The following ADGRL3 variants were observed in gnomAD, a reference collection of about 807,000 sequenced individuals.
ADGRL3 encodes the protein adhesion G protein-coupled receptor L3, also known as calcium-independent alpha-latrotoxin receptor 3.
In ADGRL3, 62 loss-of-function variants were observed where a neutral mutation model predicts 153.5. The ratio of observed to expected loss-of-function variants is 0.40; its 90% CI spans 0.33 to 0.50. ADGRL3 has a LOEUF of 0.50. Among genes scored for constraint, ADGRL3 ranks in the 20% least tolerant of loss-of-function variants. ADGRL3 has a pLI of 0.47. For missense variants in ADGRL3, 1,641 were observed against 1,859.4 expected (o/e 0.88, Z 2.16); for synonymous variants, 710 against 672.5 (o/e 1.06, Z -0.86).
At chr4:61,874,822 G>A (rs62304412) in intron 9 of ADGRL3, among the ~76,000 whole-genome samples, 1 of 42,254 alleles carries the variant, frequency 2.4e-5, no homozygotes, top group East Asian at 4.2e-4. Context: ...TTTTTTTTGA[G>A]ACGGAGTCTC....
chr4:61,586,454 A>G (rs948930962), intron 4 of ADGRL3, among the ~76,000 whole-genome samples: 1 of 152,120 alleles, frequency 6.6e-6, no homozygotes, highest in East Asian at 1.9e-4. Context: ...TTTCCATCAT[A>G]TATCATTACA....
chr4:61,209,290 C>T (rs746522844), intron 1 of ADGRL3, among the ~76,000 whole-genome samples: 4 of 151,974 alleles, frequency 2.6e-5, no homozygotes, highest in Non-Finnish European at 4.4e-5. Context: ...GAATACAACC[C>T]CAAATGTGCA....
chr4:61,695,777 G>A (rs952292758), intron 6 of ADGRL3, among the ~76,000 whole-genome samples: 8 of 152,200 alleles, frequency 5.3e-5, no homozygotes, highest in East Asian at 1.9e-4. Context: ...GTAGTGTAGC[G>A]TAGTAATGTG....
At chr4:61,646,925 C>T (rs771671880) in intron 5 of ADGRL3, among the ~76,000 whole-genome samples, 14 of 152,154 alleles carry the variant, frequency 9.2e-5, no homozygotes, top group South Asian at 4.1e-4. Context: ...TAGCAATCAG[C>T]GAGACTCCGT....
intron 8 of ADGRL3, among the ~76,000 whole-genome samples, chr4:61,812,185 A>G (rs544808984): frequency 2.0e-5 from 3 of 152,282 alleles, no homozygotes; most frequent in East Asian, 1.9e-4. Context: ...ACAGTACACA[A>G]TTAGTGTCTT....
chr4:61,481,119 T>G (rs1283612906), intron 2 of ADGRL3, among the ~76,000 whole-genome samples: 5 of 152,302 alleles, frequency 3.3e-5, no homozygotes, highest in Admixed American at 2.6e-4. Flanking sequence ...ATTATATAAT[T>G]GCAATGACCT....
rs138807526 is a variant in ADGRL3, at chr4:61,925,309, C to T, written c.2113-9531C>T. On this transcript the variant is annotated intron_variant, in intron 13 of 26. Transcript: ENST00000683033. Reference sequence around the variant, plus strand: ...TCAACTATTCTTACTTCATTTGCCCCTCTATTTTGTTAGTGTTTCTGTACC... The same window carrying T: ...TCAACTATTCTTACTTCATTTGCCCTTCTATTTTGTTAGTGTTTCTGTACC... 1.4e-4 allele frequency among the ~76,000 whole-genome samples: 22 copies of T among 152,222 alleles called. No homozygotes were observed. The East Asian group carries it at 2.5e-3, about 17-fold the overall frequency.
chr4:61,432,588 T>TTTTCTTTCTC (rs2097372756), intron 2 of ADGRL3, among the ~76,000 whole-genome samples: 1 of 7,238 alleles, frequency 1.4e-4, no homozygotes, highest in Non-Finnish European at 3.7e-4. Context: ...CTTTCTTTCT[T>TTTTCTTTCTC]TCTTTCTTTC....
In ADGRL3 at chr4:61,722,096, A is replaced by G. The variant is rs1041332169; in HGVS notation, c.584-8526A>G. On this transcript the variant is annotated intron_variant, in intron 6 of 26. Coordinates refer to ENST00000683033, the MANE Select transcript of ADGRL3 (RefSeq NM_001387552.1). Reference sequence around the variant, plus strand: ...CAGCTAATTCAGATATTAGCCCCAAATCACAGTTTACTTTTTAATCCTTAG... The same window carrying G: ...CAGCTAATTCAGATATTAGCCCCAAGTCACAGTTTACTTTTTAATCCTTAG... Among the ~76,000 whole-genome samples the G allele has an allele frequency of 2.6e-5, 4 of 152,322 alleles. No individual in the cohort carries two copies. In the South Asian group the frequency reaches 8.3e-4, roughly 32 times the overall value.
chr4:61,826,692 G>T (rs1321541477), intron 9 of ADGRL3, among the ~76,000 whole-genome samples: 1 of 152,070 alleles, frequency 6.6e-6, no homozygotes, highest in Non-Finnish European at 1.5e-5. Flanking sequence ...AATGACTGTA[G>T]CTACACGGTG....
intron 1 of ADGRL3, among the ~76,000 whole-genome samples, chr4:61,308,764 T>C (rs916394079): frequency 1.3e-5 from 2 of 152,190 alleles, no homozygotes; most frequent in African/African-American, 2.4e-5. Flanking sequence ...CCTGGAGATA[T>C]ACCTTGTCTT....
chr4:61,667,157 A>AT, intron 5 of ADGRL3, among the ~76,000 whole-genome samples: 1 of 152,172 alleles, frequency 6.6e-6, no homozygotes, highest in East Asian at 1.9e-4. Flanking sequence ...ACTGATGGAT[A>AT]TGATAATTTG....
chr4:61,649,069 T>C (rs557858912), intron 5 of ADGRL3, among the ~76,000 whole-genome samples: 4 of 152,022 alleles, frequency 2.6e-5, no homozygotes, highest in Admixed American at 6.5e-5. Context: ...ATGCCACTTA[T>C]ATTTACTATA....
intron 5 of ADGRL3, among the ~76,000 whole-genome samples, chr4:61,660,837 T>C (rs957477477): frequency 5.9e-5 from 9 of 152,166 alleles, no homozygotes; most frequent in African/African-American, 2.2e-4. Flanking sequence ...CTTTACTTGG[T>C]TGCCTGTGTA....
intron 6 of ADGRL3, among the ~76,000 whole-genome samples, chr4:61,705,966 A>G (rs1364124141): frequency 1.3e-5 from 2 of 152,168 alleles, no homozygotes; most frequent in Non-Finnish European, 2.9e-5. Context: ...TGTAACTCTG[A>G]AGGGCACTAG....
intron 5 of ADGRL3, among the ~76,000 whole-genome samples, chr4:61,630,701 G>T (rs1474752904): frequency 1.3e-5 from 2 of 152,198 alleles, no homozygotes; most frequent in Admixed American, 6.5e-5. Flanking sequence ...TACTGGGAAA[G>T]AATATTTGGT....
intron 9 of ADGRL3, among the ~76,000 whole-genome samples, chr4:61,854,619 G>A (rs1383710559): frequency 1.3e-5 from 2 of 152,190 alleles, no homozygotes; most frequent in African/African-American, 2.4e-5. Context: ...AGAATTCCAA[G>A]TAATTGGTGC....
chr4:61,734,814 T>TA (rs2096488177), intron 8 of ADGRL3, among the ~76,000 whole-genome samples: 1 of 152,230 alleles, frequency 6.6e-6, no homozygotes, highest in Admixed American at 6.5e-5. Flanking sequence ...CGTTCAGCTG[T>TA]AAAAATGTAT....
At position 61,507,628 on chromosome 4, in the gene ADGRL3, T is replaced by TG. The variant is rs757709567; in HGVS notation, c.56-9679dup. 6.8e-4 allele frequency among the ~76,000 whole-genome samples: 104 copies of TG among 151,890 alleles called. 1 individual carries two copies. The highest frequency in any genetic ancestry group is 3.4e-3 in the Middle Eastern group (1 of 294). ...GTACTTCTATAATTCCCACAGGTTG[T>TG]GGGGGGGGACTTTAAAACAGATTGA... On this transcript the variant is annotated intron_variant, in intron 3 of 26. Transcript: ENST00000683033.
Sources: allele counts gnomAD v4.1 joint callset (sites outside exome capture counted in the v4.1 genomes callset), GRCh38; gene constraint gnomAD v4.1.1; transcripts MANE v1.5; gene names NCBI Gene and HGNC (gene_info 2026-07-23, HGNC 2026-07-21).